Variants in GFM2 observed in about 807,000 individuals in gnomAD.
GFM2 encodes the protein ribosome-releasing factor 2, mitochondrial.
GFM2 carries 72 observed loss-of-function variants against 95.4 expected under a neutral mutation model. That is an observed-to-expected ratio of 0.76 (90% CI 0.62 to 0.92). The LOEUF is 0.92. Among genes scored for constraint, GFM2 ranks in the 40% least tolerant of loss-of-function variants. The probability of loss-of-function intolerance (pLI) is 0.00; values close to 1 mark genes in which losing one functional copy is unlikely to be tolerated. For synonymous variants in GFM2, 276 were observed against 317.5 expected (o/e 0.87, Z 1.39); for missense variants, 825 against 924.1 (o/e 0.89, Z 1.39).
intron 2 of GFM2, among the ~76,000 whole-genome samples, chr5:74,761,491 G>T (rs529806004): frequency 6.6e-6 from 1 of 152,170 alleles, no homozygotes; most frequent in Non-Finnish European, 1.5e-5. Flanking sequence ...TCTGTAGGGG[G>T]CAATGAACTC....
At chr5:74,736,735 G>C (rs765808461) in intron 15 of GFM2, 61 bp downstream of exon 15, 64 of 1,601,430 alleles carry the variant, frequency 4.0e-5, no homozygotes, top group Non-Finnish European at 4.3e-6. Context: ...AGGGTATATT[G>C]CAACTATTTT....
At chr5:74,754,141 T>A (rs923526731) in intron 5 of GFM2, among the ~76,000 whole-genome samples, 1 of 152,082 alleles carries the variant, frequency 6.6e-6, no homozygotes, top group Non-Finnish European at 1.5e-5. Context: ...AAAGATATAG[T>A]CTTTTTCAGA....
At chr5:74,722,619 C>T (rs866813195) in intron 19 of GFM2, 58 bp from the exon 20 acceptor site, 3 of 1,361,926 alleles carry the variant, frequency 2.2e-6, no homozygotes, top group Middle Eastern at 4.3e-4. Flanking sequence ...AAAATAAATA[C>T]AGCCTAGAGC....
chr5:74,754,083 T>C, intron 5 of GFM2, among the ~76,000 whole-genome samples: 1 of 152,102 alleles, frequency 6.6e-6, no homozygotes, highest in East Asian at 1.9e-4. Context: ...AAAACAATTA[T>C]CAACCAAGAA....
Position 74,759,394 on chromosome 5 carries a change from A to T in GFM2, c.181T>A (p.Ser61Thr). 1 of 1,538,870 alleles carries T rather than the reference A, an allele frequency of 6.5e-7. No individual in the cohort carries two copies. The highest frequency in any genetic ancestry group is 9.0e-7 in the Non-Finnish European group (1 of 1,115,828). ...LIGNDIKSLHSIINPPIAKIR... is the reference protein window; with the variant it reads ...LIGNDIKSLHTIINPPIAKIR... ...TTAGCTATGGGAGGATTGATGATGG[A>T]ATGAAGGGATTTGATATCATTTCCT... The change falls in exon 4 of 21, where the codon TCC becomes ACC. Residue 61 changes from serine (S) to threonine (T), a missense_variant. By Grantham distance (58) the Ser-to-Thr change is moderately conservative. Coordinates refer to ENST00000296805, the MANE Select transcript of GFM2 (RefSeq NM_032380.5).
intron 20 of GFM2, among the ~76,000 whole-genome samples, 174 bp from the exon 21 acceptor site, chr5:74,721,957 A>C (rs1024994830): frequency 2.0e-5 from 3 of 152,206 alleles, no homozygotes; most frequent in African/African-American, 7.2e-5. Context: ...TGGATATAAA[A>C]ACATTGAGGA....
chr5:74,764,947 G>A, intron 1 of GFM2: 1 of 205,874 alleles, frequency 4.9e-6, no homozygotes, highest in Non-Finnish European at 1.0e-5. Context: ...CACCACACTT[G>A]GCTACTTTTT....
At chr5:74,730,620 T>C (rs1195991137) in intron 16 of GFM2, 1 of 347,598 alleles carries the variant, frequency 2.9e-6, no homozygotes, top group African/African-American at 2.1e-5. Flanking sequence ...TCTCTCCTTC[T>C]TCTTTGATAG....
chr5:74,743,439 C>T (rs1743212673), intron 10 of GFM2, among the ~76,000 whole-genome samples: 1 of 152,114 alleles, frequency 6.6e-6, no homozygotes, highest in South Asian at 2.1e-4. Context: ...CAGTAGGCAC[C>T]CTAATGGGTG....
In GFM2 at chr5:74,726,047, AGAT is replaced by A. The variant is rs964340945; in HGVS notation, c.1803_1805del (p.Ser602del). ...ACTCAAACTCAATCACAGGCATAAC[AGAT>A]GATGTTTCAATTGGCCTTGCTTCCA... On this transcript the variant is annotated inframe_deletion, in exon 18 of 21. Transcript: ENST00000296805. 2.3e-5 allele frequency: 37 copies of A among 1,613,408 alleles called. No individual in the cohort carries two copies. The highest frequency in any genetic ancestry group is 3.1e-5 in the Non-Finnish European group (36 of 1,179,796).
chr5:74,725,585 G>A (rs1391996406), intron 19 of GFM2, 55 bp downstream of exon 19: 6 of 1,160,232 alleles, frequency 5.2e-6, no homozygotes, highest in Non-Finnish European at 7.8e-6. Flanking sequence ...AAGATCAGTG[G>A]TACTATACTC....
In GFM2 at chr5:74,763,661, T is replaced by C; in HGVS notation, c.63+19A>G. 1 of 1,453,380 alleles carries C rather than the reference T, an allele frequency of 6.9e-7. No homozygotes were observed. Among genetic ancestry groups the C allele is most frequent in the Non-Finnish European group, 9.6e-7 (1 of 1,036,454 alleles). The allele number at this position is 1,453,380 out of a possible 1,614,324, so 90.0% of individuals were successfully genotyped here. On this transcript the variant is annotated intron_variant, in intron 2 of 20. Transcript: ENST00000296805. The stretch of plus-strand genomic sequence containing the variant: ...GCTGAGGTTGTTAAAGGACACTTAA[T>C]TTTATAAGAAATGCTTACATTAATA...
chr5:74,758,556 C>T (rs1435291984), intron 5 of GFM2, among the ~76,000 whole-genome samples: 4 of 152,204 alleles, frequency 2.6e-5, no homozygotes, highest in Non-Finnish European at 5.9e-5. Flanking sequence ...AAGGACTCTA[C>T]TAGAAAGAAA....
At chr5:74,735,542 G>A (rs1742790633) in intron 15 of GFM2, among the ~76,000 whole-genome samples, 1 of 152,192 alleles carries the variant, frequency 6.6e-6, no homozygotes, top group African/African-American at 2.4e-5. Context: ...TAAACAAACA[G>A]TCTAATATAG....
rs1168005537 is a variant in GFM2 at position 74,721,290 on chromosome 5, C to A, written c.*365G>T. The stretch of plus-strand genomic sequence containing the variant: ...AATAAAATATTTTTATTGATTGAAC[C>A]TTTGACCCTCTATCTTATTACATTT... On this transcript the variant is annotated 3_prime_UTR_variant, in exon 21 of 21. Transcript: ENST00000296805. 4.5e-6 allele frequency: 4 copies of A among 888,520 alleles called. No homozygotes were observed. The South Asian group carries it at 5.6e-5, about 12-fold the overall frequency. The allele number at this position is 888,520 out of a possible 1,614,324, so 55.0% of individuals were successfully genotyped here.
chr5:74,721,760 C>T lies in GFM2; in HGVS notation c.2235G>A (p.Thr745=). 6 of 1,612,996 alleles carry T rather than the reference C, an allele frequency of 3.7e-6. No individual in the cohort carries two copies. The highest frequency in any genetic ancestry group is 1.3e-5 in the African/African-American group (1 of 74,964). Residue 745 remains threonine, a synonymous_variant, in exon 21 of 21, where the codon ACG becomes ACA. Transcript: ENST00000296805. ...EIMGYSTVLR[T]LTSGSATFAL... ...CAAAAGTAGCTGAGCCTGATGTTAG[C>T]GTTCGAAGCACAGTTGAATAACCCT...
intron 10 of GFM2, among the ~76,000 whole-genome samples, chr5:74,743,891 T>C (rs545465943): frequency 8.5e-5 from 13 of 152,182 alleles, no homozygotes; most frequent in Non-Finnish European, 1.9e-4. Flanking sequence ...ATAGGGACAA[T>C]ATAAGGTTCT....
chr5:74,765,149 G>T, intron 1 of GFM2: 1 of 1,152,830 alleles, frequency 8.7e-7, no homozygotes, highest in Non-Finnish European at 1.1e-6. Context: ...CTCCACAGTT[G>T]TGACTGTAAT....
intron 5 of GFM2, 38 bp from the exon 6 acceptor site, chr5:74,751,531 G>A (rs1487272658): frequency 1.3e-6 from 2 of 1,528,934 alleles, no homozygotes; most frequent in African/African-American, 1.4e-5. Flanking sequence ...AGTCTTAATA[G>A]CAAGTGTATT....
Sources: allele counts gnomAD v4.1 joint callset (sites outside exome capture counted in the v4.1 genomes callset), GRCh38; gene constraint gnomAD v4.1.1; transcripts MANE v1.5; gene names NCBI Gene and HGNC (gene_info 2026-07-23, HGNC 2026-07-21).